MDFIC2: variants seen among roughly 807,000 people sequenced by gnomAD.
MDFIC2 encodes MyoD family inhibitor domain containing 2.
At chr3:70,307,973 A>C (rs1238777605) in intron 2 of MDFIC2, among the ~76,000 whole-genome samples, 1 of 152,128 alleles carries the variant, frequency 6.6e-6, no homozygotes, top group Non-Finnish European at 1.5e-5. Flanking sequence ...GTGCAAAGAG[A>C]CTGACTGCCT....
Position 70,286,826 on chromosome 3 carries a change from G to A in MDFIC2, c.88+25060C>T, listed in dbSNP as rs183393133. On this transcript the variant is annotated intron_variant, in intron 2 of 3. Coordinates refer to ENST00000567252, the MANE Select transcript of MDFIC2 (RefSeq NM_001364677.1). ...ATTTTATTCTCTTTGAAGCAATTGC[G>A]AATGAGAGTTCTCATGATTTGGCTC... is the stretch of plus-strand genomic sequence containing the variant. 2.3e-3 allele frequency among the ~76,000 whole-genome samples: 346 copies of A among 152,188 alleles called. 2 individuals are homozygous for A. The highest frequency in any genetic ancestry group is 8.0e-3 in the African/African-American group (334 of 41,516).
intron 2 of MDFIC2, among the ~76,000 whole-genome samples, chr3:70,260,481 G>C (rs143253448): frequency 6.6e-6 from 1 of 151,960 alleles, no homozygotes; most frequent in East Asian, 1.9e-4. Flanking sequence ...AGTTCAACTC[G>C]TAACAGCCCC....
chr3:70,265,945 G>T (rs915649121), intron 2 of MDFIC2, among the ~76,000 whole-genome samples: 1 of 152,080 alleles, frequency 6.6e-6, no homozygotes. Context: ...CCTCCACCTG[G>T]TCTCCCCCTT....
chr3:70,290,350 G>C (rs958199205), intron 2 of MDFIC2, among the ~76,000 whole-genome samples: 1 of 152,182 alleles, frequency 6.6e-6, no homozygotes, highest in Non-Finnish European at 1.5e-5. Flanking sequence ...CTGTTGGGGG[G>C]TGCCTCCCAG....
At chr3:70,225,614 A>C (rs767146056) in intron 2 of MDFIC2, among the ~76,000 whole-genome samples, 1 of 152,220 alleles carries the variant, frequency 6.6e-6, no homozygotes, top group Admixed American at 6.5e-5. Context: ...TGCTAGAAGC[A>C]TGCCTAATTC....
intron 2 of MDFIC2, among the ~76,000 whole-genome samples, chr3:70,280,770 T>C (rs557626868): frequency 6.6e-6 from 1 of 152,012 alleles, no homozygotes; most frequent in Admixed American, 6.6e-5. Flanking sequence ...AACCCGGCCA[T>C]AGAGACATGA....
chr3:70,293,777 C>G (rs753481119), intron 2 of MDFIC2, among the ~76,000 whole-genome samples: 1 of 151,820 alleles, frequency 6.6e-6, no homozygotes, highest in Non-Finnish European at 1.5e-5. Flanking sequence ...CAATGAGTAT[C>G]TGAACCTTAC....
At chr3:70,230,846 G>T (rs1701552639) in intron 2 of MDFIC2, among the ~76,000 whole-genome samples, 2 of 152,142 alleles carry the variant, frequency 1.3e-5, no homozygotes, top group African/African-American at 4.8e-5. Context: ...CACACCTGCT[G>T]TGTTACTATC....
chr3:70,277,987 A>G (rs1702043818), intron 2 of MDFIC2, among the ~76,000 whole-genome samples: 1 of 152,094 alleles, frequency 6.6e-6, no homozygotes, highest in Non-Finnish European at 1.5e-5. Flanking sequence ...AAAGCGCGCA[A>G]ATCTTAAGTA....
At chr3:70,223,110 G>A (rs1308155563) in intron 2 of MDFIC2, among the ~76,000 whole-genome samples, 1 of 152,092 alleles carries the variant, frequency 6.6e-6, no homozygotes, top group Non-Finnish European at 1.5e-5. Context: ...CCAACCCTCT[G>A]ACACCTGCTT....
At chr3:70,311,651 A>T (rs1017055244) in intron 2 of MDFIC2, among the ~76,000 whole-genome samples, 1 of 152,212 alleles carries the variant, frequency 6.6e-6, no homozygotes, top group Non-Finnish European at 1.5e-5. Flanking sequence ...TCTTACCAAC[A>T]AAGTAATCTA....
intron 2 of MDFIC2, among the ~76,000 whole-genome samples, chr3:70,307,514 A>G (rs1392649575): frequency 2.0e-5 from 3 of 151,710 alleles, no homozygotes; most frequent in Non-Finnish European, 2.9e-5. Flanking sequence ...TCCCCCCCCA[A>G]TTTCTATGTT....
chr3:70,243,408 A>T, intron 2 of MDFIC2, among the ~76,000 whole-genome samples: 1 of 152,104 alleles, frequency 6.6e-6, no homozygotes. Flanking sequence ...GCCAGTGTGA[A>T]ATTCTGTGTG....
chr3:70,286,344 G>T (rs565795393), intron 2 of MDFIC2, among the ~76,000 whole-genome samples: 135 of 152,184 alleles, frequency 8.9e-4, no homozygotes, highest in African/African-American at 3.0e-3. Context: ...GTTTTTGTCA[G>T]GTTTGTCAAA....
At chr3:70,259,425 A>G (rs927261015) in intron 2 of MDFIC2, among the ~76,000 whole-genome samples, 1 of 152,086 alleles carries the variant, frequency 6.6e-6, no homozygotes, top group Non-Finnish European at 1.5e-5. Flanking sequence ...TTAAAAAAAA[A>G]AAAGAAAGAA....
chr3:70,200,795 A>T lies in MDFIC2; in HGVS notation c.311-3610T>A, dbSNP rs550560722. 9.2e-5 allele frequency among the ~76,000 whole-genome samples: 14 copies of T among 152,286 alleles called. No homozygotes were observed. In the East Asian group the frequency reaches 2.5e-3, roughly 27 times the overall value. ...TCCTCATTTTTTAGATGCAAGGACTAAGGTTCAGGGATTGTTTCTGACTGT... is the reference window on the plus strand; with the variant it reads ...TCCTCATTTTTTAGATGCAAGGACTTAGGTTCAGGGATTGTTTCTGACTGT... On this transcript the variant is annotated intron_variant, in intron 3 of 3. Transcript: ENST00000567252.
At chr3:70,244,389 C>T (rs1701687278) in intron 2 of MDFIC2, among the ~76,000 whole-genome samples, 1 of 152,040 alleles carries the variant, frequency 6.6e-6, no homozygotes, top group Admixed American at 6.6e-5. Flanking sequence ...GTCTTATGGG[C>T]CTGTCAAAAG....
intron 2 of MDFIC2, among the ~76,000 whole-genome samples, chr3:70,287,773 T>A (rs1575616270): frequency 6.6e-6 from 1 of 151,404 alleles, no homozygotes; most frequent in South Asian, 2.1e-4. Context: ...AACTTCTTCC[T>A]GGTTTAGTCT....
intron 2 of MDFIC2, among the ~76,000 whole-genome samples, chr3:70,208,832 AAC>A (rs1274309128): frequency 6.6e-6 from 1 of 152,046 alleles, no homozygotes; most frequent in Non-Finnish European, 1.5e-5. Context: ...CTTGGTTTTC[AAC>A]AGTGTTTAAT....
Sources: gnomAD v4.1 joint callset for allele counts (sites outside exome capture counted in the v4.1 genomes callset) on GRCh38, gnomAD v4.1.1 for gene constraint, MANE v1.5 for transcripts, NCBI Gene and HGNC (gene_info 2026-07-23, HGNC 2026-07-21) for gene names.